The following FRMPD2 variants were observed in gnomAD, a reference collection of about 807,000 sequenced individuals.
FRMPD2 encodes FERM and PDZ domain containing 2.
Under a neutral mutation model 140.1 loss-of-function variants are expected in FRMPD2, and 96 were observed. The ratio of observed to expected loss-of-function variants is 0.69; its 90% confidence interval spans 0.58 to 0.81. The LOEUF (loss-of-function observed/expected upper bound fraction) is 0.81. Among genes scored for constraint, FRMPD2 ranks in the 40% least tolerant of loss-of-function variants. The probability of loss-of-function intolerance (pLI) is 0.00; values close to 1 mark genes in which losing one functional copy is unlikely to be tolerated. For missense variants in FRMPD2, 1,240 were observed against 1,447.4 expected (o/e 0.86, Z 2.32); for synonymous variants, 449 against 547.6 (o/e 0.82, Z 2.52).
intron 10 of FRMPD2, among the ~76,000 whole-genome samples, chr10:48,230,696 G>T (rs1345547199): frequency 6.6e-6 from 1 of 152,216 alleles, no homozygotes; most frequent in Non-Finnish European, 1.5e-5. Flanking sequence ...TCTGACTGTA[G>T]CCCTGTTCAT....
At position 48,184,503 on chromosome 10, in the gene FRMPD2, G is replaced by T. The variant is rs1290589656; in HGVS notation, c.2584+63C>A. ...GGACTTCAAGGTCTAGTACCTCACA[G>T]TAATCATGTACTCCTGAAAACAGGG... On this transcript the variant is annotated intron_variant, in intron 20 of 28. Transcript: ENST00000374201. 9 of 987,690 alleles carry T rather than the reference G, an allele frequency of 9.1e-6. No individual in the cohort carries two copies. The African/African-American group carries it at 1.1e-4, about 12-fold the overall frequency. The allele number at this position is 987,690 out of a possible 1,614,324, so 61.2% of individuals were successfully genotyped here.
At chr10:48,218,168 G>A (rs1839495458) in intron 12 of FRMPD2, among the ~76,000 whole-genome samples, 1 of 152,042 alleles carries the variant, frequency 6.6e-6, no homozygotes, top group South Asian at 2.1e-4. Flanking sequence ...TTCTTATAAG[G>A]GCACCAGTCA....
intron 15 of FRMPD2, among the ~76,000 whole-genome samples, chr10:48,196,571 C>A (rs772975054): frequency 6.6e-6 from 1 of 152,120 alleles, no homozygotes; most frequent in Non-Finnish European, 1.5e-5. Context: ...GCTGGGTGAC[C>A]ACCTTTGTAC....
At chr10:48,209,308 G>A (rs2131878689) in intron 13 of FRMPD2, among the ~76,000 whole-genome samples, 1 of 152,314 alleles carries the variant, frequency 6.6e-6, no homozygotes, top group Non-Finnish European at 1.5e-5. Context: ...CTCCATGGTT[G>A]AGGAAGTTAG....
At chr10:48,224,626 G>C (rs1226619062) in intron 10 of FRMPD2, among the ~76,000 whole-genome samples, 1 of 152,178 alleles carries the variant, frequency 6.6e-6, no homozygotes, top group Non-Finnish European at 1.5e-5. Context: ...ACCAAAGGTT[G>C]GTTGGTAATC....
intron 12 of FRMPD2, among the ~76,000 whole-genome samples, chr10:48,221,994 A>ATGGT (rs1267983606): frequency 1.3e-5 from 2 of 150,254 alleles, no homozygotes; most frequent in Non-Finnish European, 3.0e-5. Flanking sequence ...GGATGGATGG[A>ATGGT]TGGATGGATG....
At chr10:48,185,481 G>A (rs1838659470) in intron 18 of FRMPD2, 72 bp downstream of exon 18, 4 of 1,041,840 alleles carry the variant, frequency 3.8e-6, no homozygotes, top group East Asian at 2.4e-5. Context: ...AAGTTGAAAG[G>A]GAAAACAGTA....
chr10:48,203,080 G>T (rs1241822056), intron 14 of FRMPD2, among the ~76,000 whole-genome samples: 1 of 152,182 alleles, frequency 6.6e-6, no homozygotes, highest in African/African-American at 2.4e-5. Flanking sequence ...ACAGGGGTGA[G>T]CCACTGTGCC....
In FRMPD2 at chr10:48,212,108, T is replaced by G; in HGVS notation, c.1457A>C (p.Gln486Pro). ...GTGAAAGTATGGCTTACTCTCCACC[T>G]GCTGGAAGTAAGATGTAGAAGGGAA... ...QAEFGNYPKE[Q>P]VESKPYFHVE... The change falls in exon 13 of 29, where the codon CAG becomes CCG. Residue 486 changes from glutamine (Q) to proline (P), a missense_variant and splice_region_variant. Gln to Pro is a moderately conservative substitution (Grantham distance 76). Coordinates refer to ENST00000374201, the MANE Select transcript of FRMPD2 (RefSeq NM_001018071.4). The G allele has an allele frequency of 6.2e-7, 1 of 1,613,874 alleles. No homozygotes were observed. Among genetic ancestry groups the G allele is most frequent in the Non-Finnish European group, 8.5e-7 (1 of 1,179,862 alleles).
At chr10:48,188,710 C>G (rs1432972804) in intron 16 of FRMPD2, among the ~76,000 whole-genome samples, 1 of 152,216 alleles carries the variant, frequency 6.6e-6, no homozygotes, top group African/African-American at 2.4e-5. Flanking sequence ...GGCGATGATG[C>G]TGAGGTGGCC....
At chr10:48,238,361 C>A (rs982934866) in intron 7 of FRMPD2, among the ~76,000 whole-genome samples, 5 of 152,216 alleles carry the variant, frequency 3.3e-5, no homozygotes, top group African/African-American at 1.2e-4. Flanking sequence ...GCACAGTCGA[C>A]TTCTCCACCC....
At chr10:48,229,656 G>C (rs74130204) in intron 10 of FRMPD2, among the ~76,000 whole-genome samples, 5,705 of 152,082 alleles carry the variant, frequency 0.038, 329 homozygotes, top group African/African-American at 0.12. Context: ...CTAGAATTCC[G>C]ATATGTCTTA....
rs549291589 is a variant in FRMPD2, at chr10:48,231,802, G to A, written c.1168+313C>T. 3.3e-5 allele frequency among the ~76,000 whole-genome samples: 5 copies of A among 152,304 alleles called. No homozygotes were observed. In the South Asian group the frequency reaches 1.0e-3, roughly 32 times the overall value. On this transcript the variant is annotated intron_variant, in intron 10 of 28. Transcript: ENST00000374201. ...AGGGTACTAAGTCCCCATTAGTCCT[G>A]CATCATTAGATGGAAATGCTTTTAA... is the stretch of plus-strand genomic sequence containing the variant.
intron 14 of FRMPD2, among the ~76,000 whole-genome samples, chr10:48,203,692 C>T (rs1197114908): frequency 6.6e-6 from 1 of 152,114 alleles, no homozygotes; most frequent in South Asian, 2.1e-4. Flanking sequence ...ATACAAATAA[C>T]ATTTTTCTAG....
At chr10:48,256,720 G>A (rs948821985) in intron 1 of FRMPD2, among the ~76,000 whole-genome samples, 1 of 152,174 alleles carries the variant, frequency 6.6e-6, no homozygotes, top group Admixed American at 6.5e-5. Context: ...CTTGCAGGAT[G>A]GGGATGAGTC....
Position 48,177,743 on chromosome 10 carries a change from C to T in FRMPD2, c.2895+304G>A, listed in dbSNP as rs1344862653. On this transcript the variant is annotated intron_variant, in intron 22 of 28. Coordinates refer to ENST00000374201, the MANE Select transcript of FRMPD2 (RefSeq NM_001018071.4). ...CTTGTGTCCCTGAAGCCCCAATGTG[C>T]TTCTCTCTCTCTGCAGTCCAGCTTG... is the stretch of plus-strand genomic sequence containing the variant. The T allele has an allele frequency of 1.7e-5, 4 of 230,558 alleles. No homozygotes were observed. The East Asian group carries it at 3.3e-4, about 19-fold the overall frequency. The allele number at this position is 230,558 out of a possible 1,614,324, so 14.3% of individuals were successfully genotyped here. A position where few individuals can be genotyped will look rare whatever the true frequency, so the allele number is the denominator to read the frequency against.
chr10:48,244,509 A>G (rs889343030), intron 4 of FRMPD2, among the ~76,000 whole-genome samples: 1 of 152,228 alleles, frequency 6.6e-6, no homozygotes, highest in Admixed American at 6.5e-5. Flanking sequence ...CTAGCTTGCT[A>G]TTAATACTTC....
chr10:48,221,116 T>C (rs1839576098), intron 12 of FRMPD2, among the ~76,000 whole-genome samples: 1 of 152,160 alleles, frequency 6.6e-6, no homozygotes, highest in Admixed American at 6.6e-5. Context: ...AAGAAGTTAT[T>C]ATACATAAAA....
In FRMPD2 at chr10:48,178,034, T is replaced by G. The variant is rs1325332073; in HGVS notation, c.2895+13A>C. ...TTGTTAACTGCTTTTCAAGCTCTCCTAAAAACTCTTACAGTTACACTGAAT... is the reference window on the plus strand; with the variant it reads ...TTGTTAACTGCTTTTCAAGCTCTCCGAAAAACTCTTACAGTTACACTGAAT... On this transcript the variant is annotated intron_variant, in intron 22 of 28. Transcript: ENST00000374201. The G allele has an allele frequency of 2.0e-6, 3 of 1,527,618 alleles. No homozygotes were observed. In the South Asian group the frequency reaches 3.4e-5, roughly 17 times the overall value. The allele number at this position is 1,527,618 out of a possible 1,614,324, so 94.6% of individuals were successfully genotyped here. A position where few individuals can be genotyped will look rare whatever the true frequency, so the allele number is the denominator to read the frequency against.
Sources: allele counts gnomAD v4.1 joint callset (sites outside exome capture counted in the v4.1 genomes callset), GRCh38; gene constraint gnomAD v4.1.1; transcripts MANE v1.5; gene names NCBI Gene and HGNC (gene_info 2026-07-23, HGNC 2026-07-21).